Variants in TMEM154 observed in about 807,000 individuals in gnomAD.
TMEM154 encodes the protein transmembrane protein 154.
In TMEM154, 27 loss-of-function variants were observed where a neutral mutation model predicts 24.5. That is an observed-to-expected ratio of 1.10 (90% confidence interval 0.81 to 1.52). The LOEUF (loss-of-function observed/expected upper bound fraction) is 1.52, where lower values mean the gene tolerates loss of function less well. Ranked by LOEUF, TMEM154 falls within the 40% of genes most tolerant of loss-of-function variation. The pLI is 0.00. For missense variants in TMEM154, 228 were observed against 213.4 expected (o/e 1.07, Z -0.43); for synonymous variants, 67 against 76.8 (o/e 0.87, Z 0.67).
At chr4:152,630,309 CAAA>C (rs56827457) in intron 6 of TMEM154, among the ~76,000 whole-genome samples, 1 of 91,342 alleles carries the variant, frequency 1.1e-5, no homozygotes, top group Non-Finnish European at 2.0e-5. Flanking sequence ...CACCCTGTCT[CAAA>C]AAAAAAAAAA....
intron 1 of TMEM154, among the ~76,000 whole-genome samples, chr4:152,672,039 G>T (rs895682922): frequency 6.9e-6 from 1 of 144,880 alleles, no homozygotes; most frequent in Non-Finnish European, 1.5e-5. Flanking sequence ...AGGACGGCTT[G>T]AGCCCAAAAG....
chr4:152,678,093 A>G (rs1162722248), intron 1 of TMEM154, among the ~76,000 whole-genome samples: 1 of 152,174 alleles, frequency 6.6e-6, no homozygotes, highest in Non-Finnish European at 1.5e-5. Flanking sequence ...CTAGGTAGGA[A>G]AAAGAATGTA....
At chr4:152,632,021 A>C (rs1752054293) in intron 6 of TMEM154, among the ~76,000 whole-genome samples, 1 of 151,224 alleles carries the variant, frequency 6.6e-6, no homozygotes, top group South Asian at 2.1e-4. Context: ...GTTAGCCAGG[A>C]TGGTCTCGAT....
chr4:152,652,314 G>A, intron 3 of TMEM154, among the ~76,000 whole-genome samples: 1 of 145,076 alleles, frequency 6.9e-6, no homozygotes. Flanking sequence ...GTGCAATAAA[G>A]CAAAGTGCAA....
At chr4:152,672,140 G>A (rs1004141754) in intron 1 of TMEM154, among the ~76,000 whole-genome samples, 7 of 150,118 alleles carry the variant, frequency 4.7e-5, no homozygotes, top group Non-Finnish European at 1.0e-4. Flanking sequence ...AGTGGCATGC[G>A]CCTGTAGTCC....
At chr4:152,655,834 C>T (rs565223651) in intron 1 of TMEM154, among the ~76,000 whole-genome samples, 2 of 152,126 alleles carry the variant, frequency 1.3e-5, no homozygotes, top group Non-Finnish European at 2.9e-5. Context: ...GTCACTGCTG[C>T]CTTCACCTGA....
At chr4:152,671,053 G>T (rs1440572645) in intron 1 of TMEM154, among the ~76,000 whole-genome samples, 1 of 152,106 alleles carries the variant, frequency 6.6e-6, no homozygotes, top group Non-Finnish European at 1.5e-5. Flanking sequence ...GGGGCTAAGG[G>T]GTACTCAGGT....
At chr4:152,674,095 G>A (rs1449910069) in intron 1 of TMEM154, among the ~76,000 whole-genome samples, 1 of 151,948 alleles carries the variant, frequency 6.6e-6, no homozygotes, top group Non-Finnish European at 1.5e-5. Flanking sequence ...TCTTTTAAAT[G>A]CATAAAGAAA....
In TMEM154 at chr4:152,628,389, A is replaced by G. The variant is rs1751954883; in HGVS notation, c.*157T>C. The G allele has an allele frequency of 1.6e-6, 2 of 1,228,178 alleles. No individual in the cohort carries two copies. The highest frequency in any genetic ancestry group is 1.5e-5 in the African/African-American group (1 of 65,614). 76.1% of individuals were successfully genotyped at this position (1,228,178 alleles called of 1,614,324 possible). ...TCTTCCAAGTGCAAGTGATGCCATC[A>G]TTAGGAAGAGTGGGCGTTGGAAGAA... On this transcript the variant is annotated 3_prime_UTR_variant, in exon 7 of 7. Coordinates refer to ENST00000304385, the MANE Select transcript of TMEM154 (RefSeq NM_152680.3).
At chr4:152,645,234 C>T (rs1752336644) in intron 3 of TMEM154, among the ~76,000 whole-genome samples, 1 of 152,144 alleles carries the variant, frequency 6.6e-6, no homozygotes, top group African/African-American at 2.4e-5. Flanking sequence ...TACCACAGTA[C>T]CTTGTAAATG....
At chr4:152,641,616 T>C (rs1378090362) in intron 5 of TMEM154, among the ~76,000 whole-genome samples, 1 of 151,558 alleles carries the variant, frequency 6.6e-6, no homozygotes, top group Non-Finnish European at 1.5e-5. Context: ...TACAACAACA[T>C]AGCAAGAAGA....
intron 1 of TMEM154, among the ~76,000 whole-genome samples, chr4:152,653,776 C>T (rs529525561): frequency 4.7e-4 from 72 of 151,932 alleles, no homozygotes; most frequent in African/African-American, 1.6e-3. Flanking sequence ...TGGTGGTTCA[C>T]GCCTGTAATC....
chr4:152,626,740 A>G lies in TMEM154; in HGVS notation c.*1806T>C, dbSNP rs1300418801. ...AAAGGCCCAGGTGTTCAAAGATCTT[A>G]GATACCTAAAGAGAGAAAGGGGCAA... is the stretch of plus-strand genomic sequence containing the variant. On this transcript the variant is annotated 3_prime_UTR_variant, in exon 7 of 7. Transcript: ENST00000304385. The G allele has an allele frequency of 6.6e-6, 1 of 152,224 alleles. No individual in the cohort carries two copies. Among genetic ancestry groups the G allele is most frequent in the Admixed American group, 6.5e-5 (1 of 15,278 alleles). The allele number at this position is 152,224 out of a possible 1,614,324, so 9.4% of individuals were successfully genotyped here.
chr4:152,645,856 C>T (rs1316420740), intron 3 of TMEM154, among the ~76,000 whole-genome samples: 1 of 151,734 alleles, frequency 6.6e-6, no homozygotes, highest in Non-Finnish European at 1.5e-5. Flanking sequence ...CAGGCTATGT[C>T]CTCCTGCCCT....
chr4:152,652,387 A>G, intron 3 of TMEM154, 151 bp downstream of exon 3: 1 of 1,124,308 alleles, frequency 8.9e-7, no homozygotes, highest in Non-Finnish European at 1.2e-6. Context: ...AAAGAAAGGA[A>G]TATGCATATA....
rs1223046387 is a variant in TMEM154 at position 152,634,659 on chromosome 4, G to GCACA, written c.537-6102_537-6099dup. Among the ~76,000 whole-genome samples the GCACA allele has an allele frequency of 2.0e-5, 3 of 152,052 alleles. No homozygotes were observed. The East Asian group carries it at 5.8e-4, about 29-fold the overall frequency. On this transcript the variant is annotated intron_variant, in intron 6 of 6. Coordinates refer to ENST00000304385, the MANE Select transcript of TMEM154 (RefSeq NM_152680.3). ...ATCTTCTCTCATCCAACACATACAT[G>GCACA]CACACACACACGTGCGCACGTGCAT...
At chr4:152,661,716 C>A (rs1728617347) in intron 1 of TMEM154, among the ~76,000 whole-genome samples, 1 of 152,134 alleles carries the variant, frequency 6.6e-6, no homozygotes, top group African/African-American at 2.4e-5. Flanking sequence ...CCCAAGGTCC[C>A]ATCTATTTCC....
chr4:152,659,372 G>A (rs1349044495), intron 1 of TMEM154, among the ~76,000 whole-genome samples: 2 of 152,152 alleles, frequency 1.3e-5, no homozygotes, highest in African/African-American at 4.8e-5. Flanking sequence ...GGGTGTGTGG[G>A]TAAGAGTAGG....
chr4:152,666,156 G>A (rs142014388), intron 1 of TMEM154, among the ~76,000 whole-genome samples: 1 of 152,288 alleles, frequency 6.6e-6, no homozygotes, highest in Non-Finnish European at 1.5e-5. Context: ...ACTGGTTGAA[G>A]TTGCTCAAAC....
Sources: gnomAD v4.1 joint callset for allele counts (sites outside exome capture counted in the v4.1 genomes callset) on GRCh38, gnomAD v4.1.1 for gene constraint, MANE v1.5 for transcripts, NCBI Gene and HGNC (gene_info 2026-07-23, HGNC 2026-07-21) for gene names.